The following TRIM24 variants were observed in gnomAD, a reference collection of about 807,000 sequenced individuals.
TRIM24 encodes the protein tripartite motif containing 24, also known as transcription intermediary factor 1-alpha.
TRIM24 carries 29 observed loss-of-function variants against 123.9 expected under a neutral mutation model. The ratio of observed to expected loss-of-function variants is 0.23; its 90% CI spans 0.17 to 0.32. The LOEUF is 0.32. TRIM24 is among the 10% of genes least tolerant of loss of function. The pLI, the probability that TRIM24 is intolerant of heterozygous loss-of-function variation, is 1.00. For missense variants in TRIM24, 932 were observed against 1,295.3 expected (o/e 0.72, Z 4.31); for synonymous variants, 456 against 461.1 (o/e 0.99, Z 0.14).
chr7:138,575,973 G>T (rs78862857), intron 12 of TRIM24, among the ~76,000 whole-genome samples: 1 of 152,102 alleles, frequency 6.6e-6, no homozygotes, highest in African/African-American at 2.4e-5. Flanking sequence ...TGGCACTAGG[G>T]TCTCACTGAG....
At chr7:138,488,028 A>G (rs1795687423) in intron 1 of TRIM24, among the ~76,000 whole-genome samples, 1 of 151,964 alleles carries the variant, frequency 6.6e-6, no homozygotes, top group Admixed American at 6.6e-5. Context: ...AGAGACTGTT[A>G]TTGGTCTATT....
chr7:138,560,523 C>T (rs1004859826), intron 9 of TRIM24, among the ~76,000 whole-genome samples: 1 of 152,166 alleles, frequency 6.6e-6, no homozygotes, highest in African/African-American at 2.4e-5. Flanking sequence ...TTACTGTATT[C>T]CTGGGGCCGA....
chr7:138,468,466 G>T (rs113322448), intron 1 of TRIM24, among the ~76,000 whole-genome samples: 33 of 144,634 alleles, frequency 2.3e-4, no homozygotes, highest in African/African-American at 9.0e-4. Flanking sequence ...TAATGCCATT[G>T]TTTTTTTAAT....
At chr7:138,566,545 C>T (rs1350768916) in intron 9 of TRIM24, among the ~76,000 whole-genome samples, 2 of 152,204 alleles carry the variant, frequency 1.3e-5, no homozygotes, top group East Asian at 1.9e-4. Context: ...TATGGAGACT[C>T]ATCCTCTAAG....
rs1355092408 is a variant in TRIM24 at position 138,567,594 on chromosome 7, A to C, written c.1644A>C (p.Arg548=). Residue 548 remains arginine, a synonymous_variant, in exon 10 of 19, where the codon CGA becomes CGC. Transcript: ENST00000343526. ...LRYPPNQNIP[R]QAIKPNPLQM... is the part of the protein sequence containing the mutation. ...ATCCACCAAACCAGAACATACCACG[A>C]CAAGCAATAAAGCCAAACCCCCTAC... 2 of 1,613,748 alleles carry C rather than the reference A, an allele frequency of 1.2e-6. No individual in the cohort carries two copies. The highest frequency in any genetic ancestry group is 2.7e-5 in the African/African-American group (2 of 74,892).
At chr7:138,555,088 C>A in intron 9 of TRIM24, 122 bp downstream of exon 9, 1 of 1,041,600 alleles carries the variant, frequency 9.6e-7, no homozygotes, top group Non-Finnish European at 1.4e-6. Context: ...AAAAATTTAT[C>A]ACATTAAGGA....
chr7:138,501,559 A>G lies in TRIM24; in HGVS notation c.365-2731A>G, dbSNP rs1796040174. ...AGCTTCATTATAATTTTATGATACC[A>G]CTGACATATATGCGATCCATTGTTG... On this transcript the variant is annotated intron_variant, in intron 1 of 18. Transcript: ENST00000343526. 2.0e-5 allele frequency among the ~76,000 whole-genome samples: 3 copies of G among 151,858 alleles called. No homozygotes were observed. In the South Asian group the frequency reaches 6.2e-4, roughly 32 times the overall value.
At chr7:138,524,181 A>G (rs926012352) in intron 4 of TRIM24, among the ~76,000 whole-genome samples, 3 of 152,220 alleles carry the variant, frequency 2.0e-5, no homozygotes, top group Non-Finnish European at 2.9e-5. Flanking sequence ...TTAAATATAC[A>G]TTCATGATAC....
Position 138,585,059 on chromosome 7 carries a change from A to C in TRIM24, c.*108A>C. On this transcript the variant is annotated 3_prime_UTR_variant, in exon 19 of 19. Transcript: ENST00000343526. The stretch of plus-strand genomic sequence containing the variant: ...AAAAGAAGAGTTTGTGACTATTCTC[A>C]TCTCTGTTTTGGACGTTTACTAGAC... 3.1e-6 allele frequency: 3 copies of C among 966,938 alleles called. No individual in the cohort carries two copies. The highest frequency in any genetic ancestry group is 4.5e-6 in the Non-Finnish European group (3 of 668,076). The allele number at this position is 966,938 out of a possible 1,614,324, so 59.9% of individuals were successfully genotyped here.
chr7:138,504,606 G>T (rs1463350513), intron 2 of TRIM24, among the ~76,000 whole-genome samples, 198 bp downstream of exon 2: 2 of 151,762 alleles, frequency 1.3e-5, no homozygotes, highest in Non-Finnish European at 2.9e-5. Context: ...GGGACCACAG[G>T]CGTGTCACCA....
At chr7:138,494,182 A>C (rs1795854411) in intron 1 of TRIM24, among the ~76,000 whole-genome samples, 1 of 151,908 alleles carries the variant, frequency 6.6e-6, no homozygotes, top group African/African-American at 2.4e-5. Flanking sequence ...AGGTTTCACC[A>C]TGTTGGCCAG....
chr7:138,565,808 C>T (rs1797524252), intron 9 of TRIM24, among the ~76,000 whole-genome samples: 1 of 152,186 alleles, frequency 6.6e-6, no homozygotes, highest in Non-Finnish European at 1.5e-5. Context: ...ATGGTGTAGG[C>T]AAGCAGGCTT....
chr7:138,495,212 T>A (rs1795876830), intron 1 of TRIM24, among the ~76,000 whole-genome samples: 1 of 152,242 alleles, frequency 6.6e-6, no homozygotes, highest in South Asian at 2.1e-4. Flanking sequence ...CTATACTTTT[T>A]AATAAGTTTT....
At chr7:138,555,626 G>A (rs1797301261) in intron 9 of TRIM24, among the ~76,000 whole-genome samples, 1 of 151,886 alleles carries the variant, frequency 6.6e-6, no homozygotes, top group African/African-American at 2.4e-5. Context: ...AGGACTATAG[G>A]CATGTGCCAC....
intron 18 of TRIM24, 97 bp from the exon 19 acceptor site, chr7:138,584,645 T>TAGACA: frequency 1.1e-6 from 1 of 921,630 alleles, no homozygotes; most frequent in Non-Finnish European, 1.6e-6. Context: ...TTTCAATGAC[T>TAGACA]ATGCATGAAC....
At chr7:138,541,022 A>G (rs1291279185) in intron 7 of TRIM24, among the ~76,000 whole-genome samples, 1 of 152,052 alleles carries the variant, frequency 6.6e-6, no homozygotes, top group Admixed American at 6.6e-5. Flanking sequence ...ATTTTTTATA[A>G]GAGATGGGGT....
chr7:138,576,569 T>G lies in TRIM24; in HGVS notation c.2087+124T>G, dbSNP rs564264136. On this transcript the variant is annotated intron_variant, in intron 13 of 18. Transcript: ENST00000343526. ...AATTTCCTTTATTTTTAATTAAAAT[T>G]TTAATAACTACTATATATTTTAATG... is the stretch of plus-strand genomic sequence containing the variant. 1.1e-5 allele frequency: 8 copies of G among 703,050 alleles called. No individual in the cohort carries two copies. In the South Asian group the frequency reaches 1.8e-4, roughly 16 times the overall value. 43.6% of individuals were successfully genotyped at this position (703,050 alleles called of 1,614,324 possible).
chr7:138,545,440 T>G (rs916295693), intron 7 of TRIM24: 1 of 456,844 alleles, frequency 2.2e-6, no homozygotes, highest in Admixed American at 2.3e-5. Flanking sequence ...AGTAAGTAAA[T>G]ATATTGAAGG....
chr7:138,504,731 A>G (rs1174524851), intron 2 of TRIM24, among the ~76,000 whole-genome samples: 1 of 150,862 alleles, frequency 6.6e-6, no homozygotes, highest in Non-Finnish European at 1.5e-5. Flanking sequence ...AAGTGCTGGG[A>G]TTACAGGCGT....
Sources: gnomAD v4.1 joint callset for allele counts (sites outside exome capture counted in the v4.1 genomes callset) on GRCh38, gnomAD v4.1.1 for gene constraint, MANE v1.5 for transcripts, NCBI Gene and HGNC (gene_info 2026-07-23, HGNC 2026-07-21) for gene names.